The following SULT2B1 variants were observed in gnomAD, a reference collection of about 807,000 sequenced individuals.
SULT2B1 encodes sulfotransferase family 2B member 1.
In SULT2B1, 16 loss-of-function variants were observed where a neutral mutation model predicts 33.2. The ratio of observed to expected loss-of-function variants is 0.48; its 90% CI spans 0.33 to 0.73. The LOEUF is 0.73. Among genes scored for constraint, SULT2B1 ranks in the 30% least tolerant of loss-of-function variants. The pLI is 0.02. For synonymous variants in SULT2B1, 186 were observed against 200.5 expected (o/e 0.93, Z 0.61); for missense variants, 500 against 506.0 (o/e 0.99, Z 0.11).
At chr19:48,571,689 T>C (rs1335896077) in intron 1 of SULT2B1, among the ~76,000 whole-genome samples, 2 of 87,412 alleles carry the variant, frequency 2.3e-5, no homozygotes, top group African/African-American at 1.1e-4. Flanking sequence ...GGAGCTTACA[T>C]GCAAGCGGAG....
At chr19:48,589,681 G>A (rs1355510502) in intron 3 of SULT2B1, among the ~76,000 whole-genome samples, 3 of 152,216 alleles carry the variant, frequency 2.0e-5, no homozygotes, top group Non-Finnish European at 4.4e-5. Flanking sequence ...AGGCAAGGGG[G>A]CCGGGCGCGG....
At chr19:48,594,703 C>G (rs780542893) in intron 5 of SULT2B1, among the ~76,000 whole-genome samples, 7 of 152,138 alleles carry the variant, frequency 4.6e-5, no homozygotes, top group Non-Finnish European at 1.0e-4. Context: ...AGAGGGCTGA[C>G]CATGCTGGGT....
intron 2 of SULT2B1, among the ~76,000 whole-genome samples, chr19:48,586,731 T>C (rs571221219): frequency 6.6e-6 from 1 of 152,366 alleles, no homozygotes; most frequent in South Asian, 2.1e-4. Context: ...GCTCAGTTTC[T>C]GGCTCCGAAA....
intron 1 of SULT2B1, among the ~76,000 whole-genome samples, chr19:48,572,721 A>C (rs927005777): frequency 6.6e-6 from 1 of 151,868 alleles, no homozygotes; most frequent in African/African-American, 2.4e-5. Flanking sequence ...GGCAGCGGAG[A>C]AGACCTGGAG....
At chr19:48,564,617 A>AC (rs1256057417) in intron 1 of SULT2B1, among the ~76,000 whole-genome samples, 3 of 151,454 alleles carry the variant, frequency 2.0e-5, no homozygotes, top group Admixed American at 6.6e-5. Flanking sequence ...TGGAAAGATT[A>AC]CCCCATGAAC....
At chr19:48,593,040 G>C (rs1221367287) in intron 5 of SULT2B1, among the ~76,000 whole-genome samples, 1 of 152,182 alleles carries the variant, frequency 6.6e-6, no homozygotes, top group Non-Finnish European at 1.5e-5. Flanking sequence ...GAGCTGAGGA[G>C]CAAAGGCGAG....
At chr19:48,578,376 G>A (rs923059096) in intron 2 of SULT2B1, among the ~76,000 whole-genome samples, 7 of 152,112 alleles carry the variant, frequency 4.6e-5, no homozygotes, top group South Asian at 2.1e-4. Context: ...GAGCCTAGGC[G>A]TTCGAGAGCA....
intron 5 of SULT2B1, among the ~76,000 whole-genome samples, chr19:48,593,692 T>C (rs1601112799): frequency 6.6e-6 from 1 of 151,388 alleles, no homozygotes; most frequent in South Asian, 2.1e-4. Flanking sequence ...TGGAGTGCAA[T>C]GGCATGATCT....
chr19:48,576,316 G>A (rs1036514141), intron 2 of SULT2B1, among the ~76,000 whole-genome samples: 2 of 141,534 alleles, frequency 1.4e-5, no homozygotes, highest in African/African-American at 2.7e-5. Flanking sequence ...CTGAAATAGC[G>A]TCCTCGTTCT....
chr19:48,587,270 G>C lies in SULT2B1; in HGVS notation c.256G>C (p.Glu86Gln). Residue 86 changes from glutamate (E) to glutamine (Q), a missense_variant, in exon 3 of 7, where the codon GAA becomes CAA. Coordinates refer to ENST00000201586, the MANE Select transcript of SULT2B1 (RefSeq NM_177973.2). ...MIEIICLILK[E>Q]GDPSWIRSVP... ...CGAGATCATCTGCTTAATCCTGAAG[G>C]AAGGGGATCCATCCTGGATCCGCTC... 2.5e-6 allele frequency: 4 copies of C among 1,613,904 alleles called. No homozygotes were observed. The highest frequency in any genetic ancestry group is 3.4e-6 in the Non-Finnish European group (4 of 1,179,986).
chr19:48,565,302 A>G (rs1973230334), intron 1 of SULT2B1, among the ~76,000 whole-genome samples: 1 of 151,880 alleles, frequency 6.6e-6, no homozygotes, highest in Admixed American at 6.6e-5. Flanking sequence ...CAGGCTGCAT[A>G]TTATTAACTA....
At chr19:48,555,248 T>C (rs955409053) in intron 1 of SULT2B1, among the ~76,000 whole-genome samples, 29 of 151,330 alleles carry the variant, frequency 1.9e-4, no homozygotes, top group Non-Finnish European at 3.5e-4. Flanking sequence ...CCCGCCACCA[T>C]GCCTGGCTAA....
At chr19:48,588,832 A>C (rs1438444147) in intron 3 of SULT2B1, among the ~76,000 whole-genome samples, 1 of 152,030 alleles carries the variant, frequency 6.6e-6, no homozygotes, top group African/African-American at 2.4e-5. Flanking sequence ...AGCAGGTGCA[A>C]AGGCCCTGAG....
At chr19:48,578,637 G>A (rs1295217672) in intron 2 of SULT2B1, among the ~76,000 whole-genome samples, 1 of 152,062 alleles carries the variant, frequency 6.6e-6, no homozygotes, top group African/African-American at 2.4e-5. Context: ...AGCAGTTTGG[G>A]AGGCTGAGGC....
rs16989366 is a variant in SULT2B1 at position 48,599,347 on chromosome 19, T to TCCAGCC, written c.1054_1059dup (p.Ser352_Pro353dup). The TCCAGCC allele has an allele frequency of 2.1e-5, 33 of 1,584,018 alleles. No homozygotes were observed. The highest frequency in any genetic ancestry group is 1.7e-4 in the Middle Eastern group (1 of 6,056). On this transcript the variant is annotated inframe_insertion, in exon 7 of 7. Coordinates refer to ENST00000201586, the MANE Select transcript of SULT2B1 (RefSeq NM_177973.2). This position sits in a 1 kb window ranked among gnomAD's most constrained non-coding sequence, Gnocchi z 4.1. ...CCTGGAGCGTGAGCCCAGACCCAAC[T>TCCAGCC]CCAGCCCCAGCCCCAGCCCCGGCCA...
At chr19:48,564,881 C>A (rs184219995) in intron 1 of SULT2B1, among the ~76,000 whole-genome samples, 9 of 152,110 alleles carry the variant, frequency 5.9e-5, no homozygotes, top group African/African-American at 2.2e-4. Context: ...ACCTCTGCCC[C>A]CCAGGTTCAA....
intron 3 of SULT2B1, 60 bp downstream of exon 3, chr19:48,587,497 G>A (rs1973580750): frequency 6.4e-7 from 1 of 1,568,766 alleles, no homozygotes; most frequent in African/African-American, 1.4e-5. Flanking sequence ...GGGTAATGGG[G>A]GGACGGAGCA....
Position 48,591,472 on chromosome 19 carries a change from CAA to C in SULT2B1, c.424-128_424-127del, listed in dbSNP as rs374133599. The C allele has an allele frequency of 7.5e-4, 685 of 911,170 alleles. 6 individuals carry two copies. The East Asian group carries it at 0.017, about 23-fold the overall frequency. 56.4% of individuals were successfully genotyped at this position (911,170 alleles called of 1,614,324 possible). ...GGCGAAACAGAGTCAGACTCCATCG[CAA>C]AAAAAAAAGAGTCTGCCCTGAGTCC... On this transcript the variant is annotated intron_variant, in intron 3 of 6. Coordinates refer to ENST00000201586, the MANE Select transcript of SULT2B1 (RefSeq NM_177973.2).
At chr19:48,582,804 A>G (rs533569248) in intron 2 of SULT2B1, among the ~76,000 whole-genome samples, 57 of 151,632 alleles carry the variant, frequency 3.8e-4, no homozygotes, top group African/African-American at 1.3e-3. Flanking sequence ...GATCGTACCA[A>G]TGCACTCCAG....
Sources: allele counts gnomAD v4.1 joint callset (sites outside exome capture counted in the v4.1 genomes callset), GRCh38; gene constraint gnomAD v4.1.1; non-coding constraint Gnocchi (gnomAD v3.1); transcripts MANE v1.5; gene names NCBI Gene and HGNC (gene_info 2026-07-23, HGNC 2026-07-21).